The following A2M variants were observed in gnomAD, a reference collection of about 807,000 sequenced individuals.
A2M encodes alpha-2-macroglobulin.
Under a neutral mutation model 183.9 loss-of-function variants are expected in A2M, and 128 were observed. The ratio of observed to expected loss-of-function variants is 0.70; its 90% confidence interval spans 0.60 to 0.81. The LOEUF is 0.81. A2M is among the 30% of genes least tolerant of loss of function. The pLI is 0.00. For synonymous variants in A2M, 592 were observed against 670.8 expected (o/e 0.88, Z 1.81); for missense variants, 1,495 against 1,787.6 (o/e 0.84, Z 2.95).
At chr12:9,090,531 GAGA>G (rs765310125) in intron 19 of A2M, 49 bp from the exon 20 acceptor site, 2 of 1,595,166 alleles carry the variant, frequency 1.3e-6, no homozygotes, top group Non-Finnish European at 1.7e-6. Flanking sequence ...AGAACAGAGG[GAGA>G]ATGGGTTTGA....
intron 1 of A2M, 118 bp downstream of exon 1, chr12:9,115,646 A>G (rs1274913585): frequency 2.7e-6 from 2 of 747,832 alleles, no homozygotes; most frequent in Non-Finnish European, 4.5e-6. Flanking sequence ...TCTGGAAGGA[A>G]TCTTAGAGAT....
chr12:9,076,678 G>T, intron 28 of A2M, 78 bp downstream of exon 28: 2 of 1,363,664 alleles, frequency 1.5e-6, no homozygotes, highest in Non-Finnish European at 2.1e-6. Context: ...ATCACAGGAG[G>T]TAGGAGTGAG....
Position 9,074,658 on chromosome 12 carries a change from G to C in A2M, c.3658C>G (p.Gln1220Glu). Residue 1220 changes from glutamine (Q) to glutamate (E), a missense_variant, in exon 29 of 36, where the codon CAG becomes GAG. By Grantham distance (29) the Gln-to-Glu change is conservative (BLOSUM62 2). Coordinates refer to ENST00000318602, the MANE Select transcript of A2M (RefSeq NM_000014.6). ...SYVLLAYLTA[Q>E]PAPTSEDLTS... The stretch of plus-strand genomic sequence containing the variant: ...AGGTCCTCCGAGGTTGGGGCTGGCT[G>C]GGCCGTGAGATAAGCGAGGAGCACA... 1 of 1,614,010 alleles carries C rather than the reference G, an allele frequency of 6.2e-7. No individual in the cohort carries two copies. The highest frequency in any genetic ancestry group is 2.2e-5 in the East Asian group (1 of 44,870).
In A2M at chr12:9,077,731, G is replaced by A; in HGVS notation, c.3246C>T (p.Ser1082=). Residue 1082 remains serine, a synonymous_variant, in exon 26 of 36, where the codon AGC becomes AGT. Coordinates refer to ENST00000318602, the MANE Select transcript of A2M (RefSeq NM_000014.6). Reference sequence around the variant, plus strand: ...TGGCATTGTTGAGCAGTGACCCAGAGCTCCTGAAACAGCCATTGTCCTTCT... The same window carrying A: ...TGGCATTGTTGAGCAGTGACCCAGAACTCCTGAAACAGCCATTGTCCTTCT... The part of the protein sequence containing the change: ...QRQKDNGCFR[S]SGSLLNNAIK... The A allele has an allele frequency of 6.2e-7, 1 of 1,614,146 alleles. No homozygotes were observed. The highest frequency in any genetic ancestry group is 8.5e-7 in the Non-Finnish European group (1 of 1,180,014).
At chr12:9,070,889 C>T (rs1361342657) in intron 31 of A2M, among the ~76,000 whole-genome samples, 3 of 149,950 alleles carry the variant, frequency 2.0e-5, no homozygotes, top group Non-Finnish European at 3.0e-5. Context: ...GGCATGATTT[C>T]GGCTCACCGC....
rs141802832 is a variant in A2M at position 9,099,792 on chromosome 12, T to A, written c.1559-269A>T. Among the ~76,000 whole-genome samples, 157 of 152,294 alleles carry A rather than the reference T, an allele frequency of 1.0e-3. 1 individual carries two copies. Among genetic ancestry groups the A allele is most frequent in the African/African-American group, 3.7e-3 (152 of 41,558 alleles). The stretch of plus-strand genomic sequence containing the variant: ...AGACATCCAATTCACTACCATTTGA[T>A]CTAGGCCTCATACTAGAAGAGGGAA... On this transcript the variant is annotated intron_variant, in intron 13 of 35. Coordinates refer to ENST00000318602, the MANE Select transcript of A2M (RefSeq NM_000014.6).
chr12:9,112,773 T>C (rs1938837408), intron 2 of A2M: 1 of 501,626 alleles, frequency 2.0e-6, no homozygotes, highest in Non-Finnish European at 3.6e-6. Context: ...ATTCACACCT[T>C]CATACAGCTC....
intron 1 of A2M, chr12:9,115,169 A>G (rs146449041): frequency 1.5e-3 from 224 of 152,644 alleles, no homozygotes; most frequent in Admixed American, 2.4e-3. Context: ...CTAGTACTCT[A>G]TTATCAAGAA....
In A2M at chr12:9,094,967, G is replaced by T; in HGVS notation, c.2125+6C>A. 2.8e-6 allele frequency: 4 copies of T among 1,446,730 alleles called. No individual in the cohort carries two copies. Among genetic ancestry groups the T allele is most frequent in the South Asian group, 1.5e-5 (1 of 67,172 alleles). The allele number at this position is 1,446,730 out of a possible 1,614,324, so 89.6% of individuals were successfully genotyped here. On this transcript the variant is annotated splice_donor_region_variant and intron_variant, in intron 17 of 35. Transcript: ENST00000318602. ...GGCAATATATATTTATTAATTTTTT[G>T]TTTACCATAAAAACCTACACGTAGA... is the stretch of plus-strand genomic sequence containing the variant.
rs767027701 is a variant in A2M at position 9,089,251 on chromosome 12, G to T, written c.2719C>A (p.Pro907Thr). The change falls in exon 22 of 36, where the codon CCT (proline) becomes ACT (threonine). Residue 907 changes from proline to threonine, a missense_variant and splice_region_variant. Physicochemically the swap from Pro to Thr is conservative, Grantham distance 38 (BLOSUM62 -1). Coordinates refer to ENST00000318602, the MANE Select transcript of A2M (RefSeq NM_000014.6). ...DTVIKPLLVEPEGLEKETTFN... is the reference protein window; with the variant it reads ...DTVIKPLLVETEGLEKETTFN... ...GTTGTTTCCTTCTCTAGTCCTTCAG[G>T]CTTTAGGTAAAAGAAAGAAAAGCTA... The T allele has an allele frequency of 1.9e-6, 3 of 1,580,766 alleles. 1 individual carries two copies. The highest frequency in any genetic ancestry group is 3.3e-4 in the Middle Eastern group (2 of 6,024).
In A2M at chr12:9,098,761, G is replaced by A. The variant is rs750455299; in HGVS notation, c.1702-5C>T. 2 of 1,612,124 alleles carry A rather than the reference G, an allele frequency of 1.2e-6. No homozygotes were observed. Among genetic ancestry groups the A allele is most frequent in the East Asian group, 2.2e-5 (1 of 44,860 alleles). ...TGGGCTGAAGCTCAAATCCACCTGT[G>A]AAATTGGAACAAAAGGTCAGAAAAG... On this transcript the variant is annotated splice_polypyrimidine_tract_variant and splice_region_variant and intron_variant, in intron 14 of 35. Transcript: ENST00000318602.
rs1191209959 is a variant in A2M at position 9,079,766 on chromosome 12, C to G, written c.2904G>C (p.Met968Ile). The change falls in exon 24 of 36, where the codon ATG becomes ATC. Residue 968 changes from methionine (M) to isoleucine (I), a missense_variant. By Grantham distance (10) the Met-to-Ile change is conservative. Coordinates refer to ENST00000318602, the MANE Select transcript of A2M (RefSeq NM_000014.6). ...AMQNTQNLLQ[M>I]PYGCGEQNMV... ...TATTCTGCTCTCCACAGCCATAGGGCATCTGGAGAAGATTTTGTGTGTTTT... is the reference window on the plus strand; with the variant it reads ...TATTCTGCTCTCCACAGCCATAGGGGATCTGGAGAAGATTTTGTGTGTTTT... 12 of 1,612,688 alleles carry G rather than the reference C, an allele frequency of 7.4e-6. No individual in the cohort carries two copies. Among genetic ancestry groups the G allele is most frequent in the Non-Finnish European group, 1.0e-5 (12 of 1,179,426 alleles).
intron 13 of A2M, among the ~76,000 whole-genome samples, chr12:9,100,288 C>T (rs775746988): frequency 1.8e-4 from 28 of 152,254 alleles, no homozygotes; most frequent in African/African-American, 6.7e-4. Flanking sequence ...ACCTTGAAAT[C>T]GTACATTTTC....
intron 22 of A2M, among the ~76,000 whole-genome samples, chr12:9,087,745 G>A (rs1949090540): frequency 6.6e-6 from 1 of 151,898 alleles, no homozygotes; most frequent in Non-Finnish European, 1.5e-5. Flanking sequence ...TTTGTATGCT[G>A]TATATATATA....
At chr12:9,084,810 T>A (rs1371436941) in intron 22 of A2M, among the ~76,000 whole-genome samples, 1 of 151,958 alleles carries the variant, frequency 6.6e-6, no homozygotes, top group Non-Finnish European at 1.5e-5. Context: ...AGGACACACA[T>A]AGACTGAAAG....
In A2M at chr12:9,095,783, C is replaced by T. The variant is rs965996694; in HGVS notation, c.1852-83G>A. The T allele has an allele frequency of 2.6e-5, 32 of 1,218,030 alleles. No individual in the cohort carries two copies. The Admixed American group carries it at 5.0e-4, about 19-fold the overall frequency. The allele number at this position is 1,218,030 out of a possible 1,614,324, so 75.5% of individuals were successfully genotyped here. A position where few individuals can be genotyped will look rare whatever the true frequency, so the allele number is the denominator to read the frequency against. On this transcript the variant is annotated intron_variant, in intron 15 of 35. Coordinates refer to ENST00000318602, the MANE Select transcript of A2M (RefSeq NM_000014.6). ...TTTTTTTTTTTTTGAGACGGAGTCT[C>T]GCTCTGTCGCCCAGGCCGGACCGCG...
At position 9,074,706 on chromosome 12, in the gene A2M, C is replaced by G; in HGVS notation, c.3610G>C (p.Ala1204Pro). Residue 1204 changes from alanine to proline, a missense_variant, in exon 29 of 36, where the codon GCT (alanine) becomes CCT (proline). By Grantham distance (27) the Ala-to-Pro change is conservative. Transcript: ENST00000318602. ...GHFYEPQAPS[A>P]EVEMTSYVLL... ...ACATAGGATGTCATCTCCACCTCAG[C>G]AGAGGGAGCCTGGGGTTCGTAAAAA... 2 of 1,613,984 alleles carry G rather than the reference C, an allele frequency of 1.2e-6. No individual in the cohort carries two copies. Among genetic ancestry groups the G allele is most frequent in the Non-Finnish European group, 1.7e-6 (2 of 1,179,976 alleles).
At chr12:9,082,720 A>T (rs894635860) in intron 22 of A2M, among the ~76,000 whole-genome samples, 4 of 152,248 alleles carry the variant, frequency 2.6e-5, no homozygotes, top group African/African-American at 9.6e-5. Context: ...ATAAAGATCT[A>T]TGAAATCACT....
chr12:9,093,331 G>A (rs759145696), intron 18 of A2M, 134 bp downstream of exon 18: 52 of 622,890 alleles, frequency 8.3e-5, no homozygotes, highest in East Asian at 3.1e-4. Context: ...ATGTGTATGT[G>A]TATATATATA....
Sources: allele counts gnomAD v4.1 joint callset (sites outside exome capture counted in the v4.1 genomes callset), GRCh38; gene constraint gnomAD v4.1.1; transcripts MANE v1.5; gene names NCBI Gene and HGNC (gene_info 2026-07-23, HGNC 2026-07-21).